The following PTPN18 variants were observed in gnomAD, a reference collection of about 807,000 sequenced individuals.
PTPN18 encodes protein tyrosine phosphatase non-receptor type 18.
A neutral mutation model predicts 65.4 loss-of-function variants in PTPN18; 65 were observed. The observed-to-expected ratio is 0.99, with a 90% CI of 0.81 to 1.22. The LOEUF is 1.22. Ranked by LOEUF, PTPN18 falls within the 50% of genes most tolerant of loss-of-function variation. The pLI is 0.00. For missense variants in PTPN18, 616 were observed against 646.5 expected, an observed-to-expected ratio of 0.95 and a Z score of 0.51; for synonymous variants, 255 against 267.8, an observed-to-expected ratio of 0.95 and a Z score of 0.47.
In PTPN18 at chr2:130,356,189, G is replaced by A. The variant is rs200630854; in HGVS notation, c.82G>A (p.Gly28Ser). 6 of 1,315,014 alleles carry A rather than the reference G, an allele frequency of 4.6e-6. No individual in the cohort carries two copies. The highest frequency in any genetic ancestry group is 4.8e-6 in the Non-Finnish European group (5 of 1,035,010). The allele number at this position is 1,315,014 out of a possible 1,614,324, so 81.5% of individuals were successfully genotyped here. The change falls in exon 1 of 15, where the codon GGC (glycine) becomes AGC (serine). Residue 28 changes from glycine to serine, a missense_variant. By Grantham distance (56) the Gly-to-Ser change is moderately conservative (BLOSUM62 0). Coordinates refer to ENST00000175756, the MANE Select transcript of PTPN18 (RefSeq NM_014369.4). ...RGGREGAVLA[G>S]EFSDIQACSA... ...CGGCCGGGAGGGGGCAGTCCTCGCC[G>A]GCGAGTTCAGCGTGAGTGGCACACG...
intron 6 of PTPN18, 79 bp downstream of exon 6, chr2:130,369,280 C>T (rs958632151): frequency 7.5e-7 from 1 of 1,340,520 alleles, no homozygotes; most frequent in Non-Finnish European, 1.1e-6. Context: ...AATGATTTAA[C>T]CCACAGTCCA....
chr2:130,374,490 A>T lies in PTPN18; in HGVS notation c.*1266A>T, dbSNP rs1377779047. On this transcript the variant is annotated 3_prime_UTR_variant, in exon 15 of 15. Transcript: ENST00000175756. ...GCCCCCTAAGATTTGAAACACTTTA[A>T]ATGGCCCATGGTAGGGTTCCTGCTA... 1.1e-5 allele frequency: 4 copies of T among 374,996 alleles called. No individual in the cohort carries two copies. In the East Asian group the frequency reaches 2.2e-4, roughly 21 times the overall value. The allele number at this position is 374,996 out of a possible 1,614,324, so 23.2% of individuals were successfully genotyped here.
intron 12 of PTPN18, chr2:130,371,946 A>C (rs1011384153): frequency 3.0e-6 from 1 of 332,050 alleles, no homozygotes; most frequent in Non-Finnish European, 5.5e-6. Context: ...CCTTGCGGCC[A>C]TCCCTTCCTG....
intron 1 of PTPN18, chr2:130,356,689 C>T (rs774811606): frequency 1.8e-4 from 84 of 455,828 alleles, no homozygotes; most frequent in Non-Finnish European, 8.8e-5. Flanking sequence ...GCGTCCGGGC[C>T]CGAATCCGCT....
chr2:130,356,889 C>T (rs1573854254), intron 1 of PTPN18, among the ~76,000 whole-genome samples: 1 of 152,204 alleles, frequency 6.6e-6, no homozygotes, highest in East Asian at 1.9e-4. Flanking sequence ...TCGTCACTGC[C>T]TATAAAGATT....
At position 130,373,222 on chromosome 2, in the gene PTPN18, T is replaced by A; in HGVS notation, c.1381T>A (p.Ter461LysextTer2). 6.3e-7 allele frequency: 1 copy of A among 1,597,166 alleles called. No individual in the cohort carries two copies. The highest frequency in any genetic ancestry group is 8.5e-7 in the Non-Finnish European group (1 of 1,172,742). ...RDPPAEWTRV* is the reference protein window; with the variant it reads ...RDPPAEWTRVK Reference sequence around the variant, plus strand: ...CCCGCCTGCTGAGTGGACCCGGGTGTAAGTCTAACGCCAGTTCCTGCCTGT... The same window carrying A: ...CCCGCCTGCTGAGTGGACCCGGGTGAAAGTCTAACGCCAGTTCCTGCCTGT... The change falls in exon 15 of 15, where the codon TAA becomes AAA. Residue 461 changes from the stop codon to lysine, a stop_lost. Transcript: ENST00000175756. The surrounding 1 kb of genome is among the most constrained non-coding windows in gnomAD (Gnocchi z 4.1).
chr2:130,366,647 C>T (rs565597401), intron 5 of PTPN18, among the ~76,000 whole-genome samples: 2 of 152,196 alleles, frequency 1.3e-5, no homozygotes, highest in East Asian at 3.9e-4. Flanking sequence ...CAGTTTTTTG[C>T]AAGAGTTTGT....
Position 130,373,041 on chromosome 2 carries a change from A to G in PTPN18, c.1315+94A>G, listed in dbSNP as rs1573868871. 6.4e-7 allele frequency: 1 copy of G among 1,563,634 alleles called. No individual in the cohort carries two copies. The highest frequency in any genetic ancestry group is 8.8e-7 in the Non-Finnish European group (1 of 1,138,722). On this transcript the variant is annotated intron_variant, in intron 14 of 14. Coordinates refer to ENST00000175756, the MANE Select transcript of PTPN18 (RefSeq NM_014369.4). This position sits in a 1 kb window ranked among gnomAD's most constrained non-coding sequence, Gnocchi z 4.1. ...TGGGGCATGGAGCTTAGTCCTGTGG[A>G]TGTGGCTGCAGTGAACCAGGAGGAC...
Position 130,359,191 on chromosome 2 carries a change from A to G in PTPN18, c.203-42A>G, listed in dbSNP as rs1342548055. 4 of 1,610,110 alleles carry G rather than the reference A, an allele frequency of 2.5e-6. No individual in the cohort carries two copies. The Admixed American group carries it at 5.0e-5, about 20-fold the overall frequency. ...GGGCTGTCAGAGGCTCCGTCACCCT[A>G]TCCTACCCAAACTCCACGTTTCTCA... On this transcript the variant is annotated intron_variant, in intron 2 of 14. Transcript: ENST00000175756.
chr2:130,369,396 A>G (rs1680480522), intron 6 of PTPN18, among the ~76,000 whole-genome samples, 195 bp downstream of exon 6: 2 of 152,324 alleles, frequency 1.3e-5, no homozygotes, highest in East Asian at 3.9e-4. Flanking sequence ...AATCTCTGTC[A>G]TGTAAATGTG....
rs147288257 is a variant in PTPN18 at position 130,368,300 on chromosome 2, T to G, written c.415-833T>G. ...TTTATTGGATGCTTGATATTTTGAA[T>G]TTTGCACAGGTAAGTGTTGGATTGT... On this transcript the variant is annotated intron_variant, in intron 5 of 14. Transcript: ENST00000175756. Among the ~76,000 whole-genome samples, 890 of 152,376 alleles carry G rather than the reference T, an allele frequency of 5.8e-3. 5 individuals are homozygous for G. The highest frequency in any genetic ancestry group is 0.02 in the African/African-American group (814 of 41,596).
rs367565886 is a variant in PTPN18, at chr2:130,374,477, T to A, written c.*1253T>A. 1 of 365,196 alleles carries A rather than the reference T, an allele frequency of 2.7e-6. No individual in the cohort carries two copies. The highest frequency in any genetic ancestry group is 2.0e-5 in the South Asian group (1 of 49,676). The allele number at this position is 365,196 out of a possible 1,614,324, so 22.6% of individuals were successfully genotyped here. A position where few individuals can be genotyped will look rare whatever the true frequency, so the allele number is the denominator to read the frequency against. On this transcript the variant is annotated 3_prime_UTR_variant, in exon 15 of 15. Coordinates refer to ENST00000175756, the MANE Select transcript of PTPN18 (RefSeq NM_014369.4). ...GCCACCAGGCTCAGCCCCCTAAGAT[T>A]TGAAACACTTTAAATGGCCCATGGT...
chr2:130,372,508 A>G, intron 13 of PTPN18, 25 bp downstream of exon 13: 1 of 1,388,130 alleles, frequency 7.2e-7, no homozygotes, highest in Non-Finnish European at 9.3e-7. Flanking sequence ...GCTCCTTCTC[A>G]GGGCATCATC....
At chr2:130,357,461 C>T (rs1453635066) in intron 1 of PTPN18, among the ~76,000 whole-genome samples, 2 of 152,166 alleles carry the variant, frequency 1.3e-5, no homozygotes, top group Admixed American at 6.5e-5. Flanking sequence ...ATACAATAAA[C>T]ATTGCATAAC....
At chr2:130,356,599 G>A in intron 1 of PTPN18, 1 of 478,284 alleles carries the variant, frequency 2.1e-6, no homozygotes, top group South Asian at 1.5e-5. Context: ...TGTGACCACA[G>A]GAAGGAAGGG....
intron 12 of PTPN18, 76 bp downstream of exon 12, chr2:130,371,363 T>A: frequency 7.8e-7 from 1 of 1,286,088 alleles, no homozygotes; most frequent in Middle Eastern, 1.9e-4. Context: ...GGAACACCAG[T>A]CCGTTCCTTG....
chr2:130,373,068 TG>T lies in PTPN18; in HGVS notation c.1316-87del. ...GTGGCTGCAGTGAACCAGGAGGACC[TG>T]GAGGCGGGGGGATGGCCTTCTTCAT... On this transcript the variant is annotated intron_variant, in intron 14 of 14. Coordinates refer to ENST00000175756, the MANE Select transcript of PTPN18 (RefSeq NM_014369.4). The surrounding 1 kb of genome is among the most constrained non-coding windows in gnomAD (Gnocchi z 4.1). The T allele has an allele frequency of 6.5e-7, 1 of 1,545,994 alleles. No homozygotes were observed. Among genetic ancestry groups the T allele is most frequent in the Non-Finnish European group, 8.8e-7 (1 of 1,130,230 alleles).
At position 130,359,230 on chromosome 2, in the gene PTPN18, CAG is replaced by C. The variant is rs1253689524; in HGVS notation, c.203-1_203del. 28 of 1,613,882 alleles carry C rather than the reference CAG, an allele frequency of 1.7e-5. No individual in the cohort carries two copies. Among genetic ancestry groups the C allele is most frequent in the Non-Finnish European group, 2.2e-5 (26 of 1,180,024 alleles). On this transcript the variant is annotated splice_acceptor_variant, in intron 2 of 14. Transcript: ENST00000175756. LOFTEE classifies it high-confidence loss of function. ...CCACGTTTCTCACCTTATCTGCTGA[CAG>C]ATGATCAGACGCGAGTAATCCTCTC...
Position 130,370,596 on chromosome 2 carries a change from T to TTATATTA in PTPN18, c.732_733insATTATAT (p.Val245IlefsTer15). On this transcript the variant is annotated frameshift_variant, in exon 9 of 15. Coordinates refer to ENST00000175756, the MANE Select transcript of PTPN18 (RefSeq NM_014369.4). LOFTEE classifies it high-confidence loss of function. ...GAACAGGCGTCCTGTGCACCGTGGA[T>TTATATTA]TATGTGAGGCAGCTGCTCCTGACCC... 1 of 1,614,040 alleles carries TTATATTA rather than the reference T, an allele frequency of 6.2e-7. No homozygotes were observed. The highest frequency in any genetic ancestry group is 8.5e-7 in the Non-Finnish European group (1 of 1,179,998).
Sources: allele counts gnomAD v4.1 joint callset (sites outside exome capture counted in the v4.1 genomes callset), GRCh38; gene constraint gnomAD v4.1.1; non-coding constraint Gnocchi (gnomAD v3.1); transcripts MANE v1.5; gene names NCBI Gene and HGNC (gene_info 2026-07-23, HGNC 2026-07-21).